Variants in SRD5A1 observed in about 807,000 individuals in gnomAD.
SRD5A1 encodes the protein steroid 5 alpha-reductase 1.
A neutral mutation model predicts 28.2 loss-of-function variants in SRD5A1; 22 were observed. The observed-to-expected ratio is 0.78, with a 90% confidence interval of 0.56 to 1.12. The LOEUF (loss-of-function observed/expected upper bound fraction) is 1.12. Ranked by LOEUF, SRD5A1 falls within the 50% of genes most tolerant of loss-of-function variation. The pLI, the probability that SRD5A1 is intolerant of heterozygous loss-of-function variation, is 0.00. For missense variants in SRD5A1, 300 were observed against 346.7 expected, an observed-to-expected ratio of 0.87 and a Z score of 1.07; for synonymous variants, 151 against 135.0, an observed-to-expected ratio of 1.12 and a Z score of -0.82.
At chr5:6,666,172 C>CAG (rs1739163036) in intron 4 of SRD5A1, among the ~76,000 whole-genome samples, 1 of 151,270 alleles carries the variant, frequency 6.6e-6, no homozygotes, top group Non-Finnish European at 1.5e-5. Flanking sequence ...TTTTTTGAGA[C>CAG]AGTCTCGCTC....
chr5:6,660,218 T>C (rs1390621101), intron 3 of SRD5A1, among the ~76,000 whole-genome samples: 1 of 152,226 alleles, frequency 6.6e-6, no homozygotes, highest in East Asian at 1.9e-4. Context: ...AGCCTGTGTC[T>C]CAAGAGGACA....
chr5:6,661,105 A>G lies in SRD5A1; in HGVS notation c.563-1711A>G, dbSNP rs145704508. On this transcript the variant is annotated intron_variant, in intron 3 of 4. Transcript: ENST00000274192. ...CAAACCATATCAGTATTATTTTACAATTCTGAATTATTTCAAGCTTACAGA... is the reference window on the plus strand; with the variant it reads ...CAAACCATATCAGTATTATTTTACAGTTCTGAATTATTTCAAGCTTACAGA... 1.2e-4 allele frequency among the ~76,000 whole-genome samples: 18 copies of G among 152,318 alleles called. No individual in the cohort carries two copies. The East Asian group carries it at 3.3e-3, about 28-fold the overall frequency.
chr5:6,663,424 A>C lies in SRD5A1; in HGVS notation c.713+458A>C, dbSNP rs75738709. 3.3e-3 allele frequency among the ~76,000 whole-genome samples: 496 copies of C among 152,342 alleles called. 4 individuals carry two copies. Among genetic ancestry groups the C allele is most frequent in the African/African-American group, 0.011 (439 of 41,578 alleles). ...CTCCAGCTATGTGGTGGCTTAGGCC[A>C]TGGCTCTGAACCTGGGGTCCTTAAT... On this transcript the variant is annotated intron_variant, in intron 4 of 4. Transcript: ENST00000274192.
In SRD5A1 at chr5:6,672,850, T is replaced by G. The variant is rs560666222; in HGVS notation, c.*4582T>G. The G allele has an allele frequency of 6.6e-6, 1 of 152,234 alleles. No homozygotes were observed. Among genetic ancestry groups the G allele is most frequent in the Non-Finnish European group, 1.5e-5 (1 of 68,024 alleles). 9.4% of individuals were successfully genotyped at this position (152,234 alleles called of 1,614,324 possible). On this transcript the variant is annotated 3_prime_UTR_variant, in exon 5 of 5. Coordinates refer to ENST00000274192, the MANE Select transcript of SRD5A1 (RefSeq NM_001047.4). ...TTAAAAAACTAGCTAGTTCTCTCAA[T>G]AAAATAATACTTTCTTTTCTTTCTT...
intron 1 of SRD5A1, 118 bp downstream of exon 1, chr5:6,633,987 T>TG (rs949321660): frequency 3.4e-5 from 38 of 1,107,980 alleles, no homozygotes; most frequent in Non-Finnish European, 4.8e-5. Flanking sequence ...GCCCTCTCCC[T>TG]GCCAGATCCC....
chr5:6,640,153 G>T (rs530373867), intron 1 of SRD5A1, among the ~76,000 whole-genome samples: 3 of 152,268 alleles, frequency 2.0e-5, no homozygotes, highest in Admixed American at 2.0e-4. Flanking sequence ...TTGCCAGCCA[G>T]CCCTGCCTCT....
In SRD5A1 at chr5:6,665,380, C is replaced by T. The variant is rs544481208; in HGVS notation, c.713+2414C>T. On this transcript the variant is annotated intron_variant, in intron 4 of 4. Transcript: ENST00000274192. ...TTCTAGCAGCCACAGGGAACTGATA[C>T]GCCAGCCTTCCAGCCATTTAAAATT... is the stretch of plus-strand genomic sequence containing the variant. Among the ~76,000 whole-genome samples, 28 of 152,354 alleles carry T rather than the reference C, an allele frequency of 1.8e-4. No homozygotes were observed. In the South Asian group the frequency reaches 3.1e-3, roughly 17 times the overall value.
chr5:6,647,226 G>A (rs933518104), intron 1 of SRD5A1, among the ~76,000 whole-genome samples: 12 of 152,214 alleles, frequency 7.9e-5, no homozygotes, highest in African/African-American at 2.9e-4. Context: ...TAAGTGTGAT[G>A]TGGTGCTGAG....
chr5:6,656,485 A>G (rs1198110882), intron 3 of SRD5A1, among the ~76,000 whole-genome samples: 2 of 152,250 alleles, frequency 1.3e-5, no homozygotes, highest in African/African-American at 4.8e-5. Flanking sequence ...TTCTAGCAGT[A>G]TAATGGAATA....
chr5:6,653,237 G>C (rs1452033443), intron 2 of SRD5A1, among the ~76,000 whole-genome samples: 1 of 152,066 alleles, frequency 6.6e-6, no homozygotes, highest in Non-Finnish European at 1.5e-5. Context: ...CATACCTGAG[G>C]ATCGTTACAG....
At chr5:6,636,930 TG>T (rs1482729007) in intron 1 of SRD5A1, among the ~76,000 whole-genome samples, 1 of 151,698 alleles carries the variant, frequency 6.6e-6, no homozygotes, top group African/African-American at 2.4e-5. Context: ...AGGGCTGGGG[TG>T]GGGGGATAGC....
At chr5:6,635,445 G>A (rs542908655) in intron 1 of SRD5A1, among the ~76,000 whole-genome samples, 12 of 152,262 alleles carry the variant, frequency 7.9e-5, no homozygotes, top group Admixed American at 7.2e-4. Context: ...GCAATCTCAG[G>A]TCAGAGTATT....
At chr5:6,666,844 C>T (rs566451008) in intron 4 of SRD5A1, among the ~76,000 whole-genome samples, 6 of 152,142 alleles carry the variant, frequency 3.9e-5, no homozygotes, top group South Asian at 2.1e-4. Context: ...CTGTGTTTCC[C>T]ATCTCCCACC....
chr5:6,656,330 T>C, intron 3 of SRD5A1, 151 bp downstream of exon 3: 3 of 668,528 alleles, frequency 4.5e-6, no homozygotes, highest in Non-Finnish European at 7.8e-6. Flanking sequence ...AGTGCTATTG[T>C]TATTGTCTTA....
At chr5:6,637,926 G>C (rs1738245214) in intron 1 of SRD5A1, among the ~76,000 whole-genome samples, 1 of 152,216 alleles carries the variant, frequency 6.6e-6, no homozygotes, top group Non-Finnish European at 1.5e-5. Flanking sequence ...CTATTAATGG[G>C]CTCCTGTGGG....
At position 6,662,453 on chromosome 5, in the gene SRD5A1, A is replaced by G. The variant is rs148352265; in HGVS notation, c.563-363A>G. 6.1e-3 allele frequency among the ~76,000 whole-genome samples: 928 copies of G among 152,328 alleles called. 9 individuals carry two copies. Among genetic ancestry groups the G allele is most frequent in the Middle Eastern group, 0.01 (3 of 294 alleles). On this transcript the variant is annotated intron_variant, in intron 3 of 4. Coordinates refer to ENST00000274192, the MANE Select transcript of SRD5A1 (RefSeq NM_001047.4). ...TGAATGAATCTGTGCTTGAAAATGAATATCTTTGTCCCTCATTGCTCTAGG... is the reference window on the plus strand; with the variant it reads ...TGAATGAATCTGTGCTTGAAAATGAGTATCTTTGTCCCTCATTGCTCTAGG...
chr5:6,663,864 A>T (rs1739083427), intron 4 of SRD5A1, among the ~76,000 whole-genome samples: 1 of 152,268 alleles, frequency 6.6e-6, no homozygotes, highest in South Asian at 2.1e-4. Context: ...AGTCTCAAAA[A>T]AAAAAGAAAA....
Position 6,651,894 on chromosome 5 carries a change from G to T in SRD5A1, c.346G>T (p.Ala116Ser), listed in dbSNP as rs1295072307. ...MRGGKPMPLL[A>S]CTMAIMFCTC... ...AGGAGGAAAGCCTATGCCACTGTTG[G>T]CGTGTACAATGGCGATTATGTTCTG... The change falls in exon 2 of 5, where the codon GCG (alanine) becomes TCG (serine). Residue 116 changes from alanine (A) to serine (S), a missense_variant. Around this residue, in one of 2 missense-constraint regions of SRD5A1, gnomAD observed 126 missense variants for 185.7 expected, o/e 0.68. Transcript: ENST00000274192. The T allele has an allele frequency of 3.1e-6, 5 of 1,613,536 alleles. No homozygotes were observed. The highest frequency in any genetic ancestry group is 4.2e-6 in the Non-Finnish European group (5 of 1,179,832).
At chr5:6,636,066 T>G (rs1267712179) in intron 1 of SRD5A1, among the ~76,000 whole-genome samples, 2 of 136,552 alleles carry the variant, frequency 1.5e-5, no homozygotes, top group African/African-American at 5.3e-5. Context: ...GTTTTTTTTT[T>G]AAATTGCTAG....
Sources: gnomAD v4.1 joint callset for allele counts (sites outside exome capture counted in the v4.1 genomes callset) on GRCh38, gnomAD v4.1.1 for gene constraint, gnomAD v4.1.1 regional missense constraint, MANE v1.5 for transcripts, NCBI Gene and HGNC (gene_info 2026-07-23, HGNC 2026-07-21) for gene names.